MYH13: variants seen among roughly 807,000 people sequenced by gnomAD.
The protein encoded by MYH13 is myosin-13.
MYH13 carries 177 observed loss-of-function variants against 232.1 expected under a neutral mutation model. The ratio of observed to expected loss-of-function variants is 0.76; its 90% confidence interval spans 0.67 to 0.86. The LOEUF (loss-of-function observed/expected upper bound fraction) is 0.86, where lower values mean the gene tolerates loss of function less well. Ranked by LOEUF, MYH13 falls within the 40% of genes least tolerant of loss-of-function variation. The pLI is 0.00. For synonymous variants in MYH13, 884 were observed against 923.5 expected (o/e 0.96, Z 0.78); for missense variants, 2,246 against 2,405.9 (o/e 0.93, Z 1.39).
chr17:10,320,026 A>G, intron 26 of MYH13, 127 bp downstream of exon 26: 7 of 711,624 alleles, frequency 9.8e-6, no homozygotes, highest in Non-Finnish European at 1.7e-5. Context: ...AAAGGAAATG[A>G]CAGGACATCT....
At chr17:10,316,524 C>A (rs1906720006) in intron 27 of MYH13, among the ~76,000 whole-genome samples, 1 of 152,090 alleles carries the variant, frequency 6.6e-6, no homozygotes, top group East Asian at 1.9e-4. Context: ...TCACTTGGAA[C>A]ATCAGGTAGA....
intron 23 of MYH13, among the ~76,000 whole-genome samples, chr17:10,323,274 T>C (rs1372354096): frequency 3.9e-5 from 6 of 152,318 alleles, no homozygotes; most frequent in African/African-American, 9.6e-5. Context: ...TCAGTCTCTG[T>C]CCTGCCGGTA....
chr17:10,313,764 C>T (rs1235986907), intron 29 of MYH13, among the ~76,000 whole-genome samples: 2 of 152,144 alleles, frequency 1.3e-5, no homozygotes, highest in African/African-American at 4.8e-5. Context: ...GAGGCCTTTT[C>T]CTTGATATAA....
chr17:10,364,747 G>T (rs1436644344), intron 2 of MYH13, among the ~76,000 whole-genome samples: 2 of 148,306 alleles, frequency 1.3e-5, no homozygotes, highest in Admixed American at 1.3e-4. Flanking sequence ...TAACAAAAAA[G>T]TATGAAGGTT....
Position 10,355,013 on chromosome 17 carries a change from G to T in MYH13, c.803-20C>A. On this transcript the variant is annotated intron_variant, in intron 9 of 40. Transcript: ENST00000252172. The stretch of plus-strand genomic sequence containing the variant: ...ACAGATCTAAGGTAACAAAAATAAC[G>T]TGATTTCAGGCTCCCAAGAGATGCT... 1 of 1,609,022 alleles carries T rather than the reference G, an allele frequency of 6.2e-7. No homozygotes were observed. The highest frequency in any genetic ancestry group is 8.5e-7 in the Non-Finnish European group (1 of 1,175,650).
intron 2 of MYH13, among the ~76,000 whole-genome samples, chr17:10,368,257 T>G (rs533048634): frequency 6.6e-6 from 1 of 152,368 alleles, no homozygotes; most frequent in Admixed American, 6.5e-5. Context: ...CATTCTCATT[T>G]ATACTTGAAG....
intron 3 of MYH13, 51 bp from the exon 4 acceptor site, chr17:10,362,554 C>T: frequency 6.2e-7 from 1 of 1,610,220 alleles, no homozygotes; most frequent in Non-Finnish European, 8.5e-7. Context: ...CAAGTGCCCA[C>T]ATTGCACTTT....
rs781028573 is a variant in MYH13 at position 10,330,441 on chromosome 17, G to T, written c.2381C>A (p.Ala794Glu). 14 of 1,613,354 alleles carry T rather than the reference G, an allele frequency of 8.7e-6. No homozygotes were observed. In the East Asian group the frequency reaches 3.1e-4, roughly 36 times the overall value. ...KLVTLMTSTQ[A>E]VCRGYLMRVE... Reference sequence around the variant, plus strand: ...CCGCATCAGGTACCCCCTGCACACCGCCTGCGTGCTTGTCATCAGCGTCAC... The same window carrying T: ...CCGCATCAGGTACCCCCTGCACACCTCCTGCGTGCTTGTCATCAGCGTCAC... Residue 794 changes from alanine to glutamate, a missense_variant, in exon 21 of 41, where the codon GCG (alanine) becomes GAG (glutamate). Coordinates refer to ENST00000252172, the MANE Select transcript of MYH13 (RefSeq NM_003802.3).
In MYH13 at chr17:10,357,760, A is replaced by G. The variant is rs1241088005; in HGVS notation, c.713T>C (p.Val238Ala). The G allele has an allele frequency of 1.2e-6, 2 of 1,613,902 alleles. No individual in the cohort carries two copies. The highest frequency in any genetic ancestry group is 1.7e-5 in the Admixed American group (1 of 60,016). ...AAATCTTGAGGAGTTGTCATTCCTC[A>G]CAGTCTTGGCATTTCCAAAGGCCTC... is the stretch of plus-strand genomic sequence containing the variant. The part of the protein sequence containing the change: ...LLEAFGNAKT[V>A]RNDNSSRFGK... Residue 238 changes from valine to alanine, a missense_variant, in exon 8 of 41, where the codon GTG (valine) becomes GCG (alanine). Transcript: ENST00000252172.
intron 7 of MYH13, 22 bp downstream of exon 7, chr17:10,359,938 G>T: frequency 6.3e-7 from 1 of 1,581,580 alleles, no homozygotes; most frequent in Non-Finnish European, 8.7e-7. Flanking sequence ...GTAAGCCTCC[G>T]GATGCAGGTG....
intron 24 of MYH13, among the ~76,000 whole-genome samples, chr17:10,320,988 C>T (rs899023473): frequency 5.3e-5 from 8 of 152,110 alleles, no homozygotes; most frequent in African/African-American, 1.9e-4. Flanking sequence ...GAGGAGCACA[C>T]CTACCCTGGG....
At chr17:10,309,477 A>T in intron 34 of MYH13, 40 bp from the exon 35 acceptor site, 1 of 1,601,360 alleles carries the variant, frequency 6.2e-7, no homozygotes, top group Non-Finnish European at 8.5e-7. Context: ...GCCGCCTGGC[A>T]GGCTGGGGCC....
intron 22 of MYH13, 128 bp downstream of exon 22, chr17:10,327,738 A>G: frequency 8.4e-7 from 1 of 1,188,082 alleles, no homozygotes; most frequent in Non-Finnish European, 1.2e-6. Context: ...TGGTGCTGCA[A>G]TACTCCACAT....
intron 20 of MYH13, 96 bp from the exon 21 acceptor site, chr17:10,330,619 A>C (rs1026608034): frequency 4.8e-6 from 7 of 1,460,144 alleles, no homozygotes; most frequent in Non-Finnish European, 5.5e-6. Flanking sequence ...CTGAGGCTCA[A>C]CTCTCAGAGC....
intron 18 of MYH13, among the ~76,000 whole-genome samples, chr17:10,336,295 C>T (rs1567665395): frequency 1.3e-5 from 2 of 152,168 alleles, no homozygotes; most frequent in African/African-American, 4.8e-5. Context: ...ATGCGTAAAA[C>T]TTCTAAAAAT....
rs148885134 is a variant in MYH13, at chr17:10,348,676, G to T, written c.1145-1878C>A. Among the ~76,000 whole-genome samples the T allele has an allele frequency of 3.2e-3, 493 of 152,230 alleles. 3 individuals carry two copies. Among genetic ancestry groups the T allele is most frequent in the African/African-American group, 0.012 (481 of 41,534 alleles). ...TATCAATGCAGTCCACTGTTGCTGA[G>T]GAGCCTGATACTCTTTTTTTTTTCT... On this transcript the variant is annotated intron_variant, in intron 12 of 40. Transcript: ENST00000252172.
At chr17:10,303,676 G>C (rs79928142) in intron 37 of MYH13, among the ~76,000 whole-genome samples, 178 bp from the exon 38 acceptor site, 12,941 of 152,184 alleles carry the variant, frequency 0.085, 728 homozygotes, top group East Asian at 0.3. Flanking sequence ...ACTGTTGGTG[G>C]GAGTGTAAAT....
chr17:10,353,962 A>AGGAAGGAAGGAC (rs1429913743), intron 11 of MYH13, among the ~76,000 whole-genome samples: 7 of 151,742 alleles, frequency 4.6e-5, no homozygotes, highest in South Asian at 4.2e-4. Context: ...GAAGGAAGGA[A>AGGAAGGAAGGAC]GGAAGGGAAA....
In MYH13 at chr17:10,322,780, T is replaced by A. The variant is rs769395545; in HGVS notation, c.2935-1072A>T. On this transcript the variant is annotated intron_variant, in intron 23 of 40. Transcript: ENST00000252172. ...TCCTGAGTAGCTGGGACTACAGGCG[T>A]CCGCCACCACGCCCGGCTAATTTTT... Among the ~76,000 whole-genome samples the A allele has an allele frequency of 2.6e-5, 4 of 151,906 alleles. No individual in the cohort carries two copies. In the East Asian group the frequency reaches 7.8e-4, roughly 30 times the overall value.
Sources: gnomAD v4.1 joint callset for allele counts (sites outside exome capture counted in the v4.1 genomes callset) on GRCh38, gnomAD v4.1.1 for gene constraint, MANE v1.5 for transcripts, NCBI Gene and HGNC (gene_info 2026-07-23, HGNC 2026-07-21) for gene names.